The following SGCZ variants were observed in gnomAD, a reference collection of about 807,000 sequenced individuals.
The protein encoded by SGCZ is zeta-sarcoglycan.
A neutral mutation model predicts 41.3 loss-of-function variants in SGCZ; 40 were observed. The observed-to-expected ratio is 0.97, with a 90% confidence interval of 0.75 to 1.26. The LOEUF is 1.26. Among genes scored for constraint, SGCZ ranks in the 50% most tolerant of loss-of-function variants. SGCZ has a pLI of 0.00. For synonymous variants in SGCZ, 206 were observed against 137.5 expected, an observed-to-expected ratio of 1.50 and a Z score of -3.49; for missense variants, 552 against 369.8, an observed-to-expected ratio of 1.49 and a Z score of -4.04.
intron 5 of SGCZ, among the ~76,000 whole-genome samples, chr8:14,148,885 C>A (rs779501842): frequency 6.6e-6 from 1 of 152,056 alleles, no homozygotes; most frequent in Non-Finnish European, 1.5e-5. Flanking sequence ...GTTCAACATG[C>A]ACAAACCAAT....
intron 2 of SGCZ, among the ~76,000 whole-genome samples, chr8:14,485,281 C>T (rs60322664): frequency 0.47 from 71,183 of 151,930 alleles, 17,148 homozygotes; most frequent in East Asian, 0.66. Context: ...CCCCTGCCCC[C>T]GCTGGAATGC....
intron 1 of SGCZ, among the ~76,000 whole-genome samples, chr8:14,950,481 G>A (rs537792063): frequency 6.6e-6 from 1 of 151,778 alleles, no homozygotes; most frequent in Non-Finnish European, 1.5e-5. Flanking sequence ...GTGTCAAGAA[G>A]ACCAAGCACT....
chr8:14,705,167 A>G (rs1809294596), intron 1 of SGCZ, among the ~76,000 whole-genome samples: 1 of 151,938 alleles, frequency 6.6e-6, no homozygotes, highest in Non-Finnish European at 1.5e-5. Context: ...ACCTCATAAC[A>G]AGAACAAAAG....
chr8:14,147,475 C>A (rs1803561772), intron 5 of SGCZ, among the ~76,000 whole-genome samples: 1 of 152,082 alleles, frequency 6.6e-6, no homozygotes, highest in Non-Finnish European at 1.5e-5. Flanking sequence ...CAAAGAAGGT[C>A]ATATATAATG....
intron 1 of SGCZ, among the ~76,000 whole-genome samples, chr8:15,151,761 A>G (rs1257748407): frequency 6.6e-6 from 1 of 152,244 alleles, no homozygotes; most frequent in East Asian, 1.9e-4. Context: ...AGACTTAAGC[A>G]CTGAATAAAT....
intron 3 of SGCZ, among the ~76,000 whole-genome samples, chr8:14,245,694 C>A (rs1799062665): frequency 6.6e-6 from 1 of 152,094 alleles, no homozygotes. Context: ...ACAACCTACT[C>A]ATCTGACAAA....
chr8:14,179,720 A>G (rs1221442145), intron 4 of SGCZ, among the ~76,000 whole-genome samples: 2 of 152,174 alleles, frequency 1.3e-5, no homozygotes, highest in Non-Finnish European at 2.9e-5. Context: ...AAGACATGTA[A>G]CATACTCTAA....
intron 4 of SGCZ, among the ~76,000 whole-genome samples, chr8:14,182,964 C>T (rs989109559): frequency 2.8e-5 from 4 of 142,392 alleles, no homozygotes; most frequent in South Asian, 2.2e-4. Context: ...GAGCCGAGAT[C>T]GTGCCATTGC....
chr8:15,197,217 T>C (rs927702723), intron 1 of SGCZ, among the ~76,000 whole-genome samples: 1 of 152,192 alleles, frequency 6.6e-6, no homozygotes, highest in Non-Finnish European at 1.5e-5. Flanking sequence ...GTCTTTATTT[T>C]ATAACAATGC....
At chr8:14,744,094 CT>C (rs1380366984) in intron 1 of SGCZ, among the ~76,000 whole-genome samples, 1 of 151,198 alleles carries the variant, frequency 6.6e-6, no homozygotes, top group Non-Finnish European at 1.5e-5. Flanking sequence ...GGTTTCGTCT[CT>C]TTTAGGCTTC....
intron 2 of SGCZ, among the ~76,000 whole-genome samples, chr8:14,376,163 T>G (rs1043857229): frequency 6.6e-6 from 1 of 151,918 alleles, no homozygotes; most frequent in African/African-American, 2.4e-5. Flanking sequence ...AATAAAAAAT[T>G]AGCCGGGCAT....
intron 3 of SGCZ, among the ~76,000 whole-genome samples, chr8:14,240,518 C>G (rs1214631455): frequency 6.6e-6 from 1 of 151,498 alleles, no homozygotes; most frequent in African/African-American, 2.4e-5. Context: ...AATTTTATAT[C>G]TAGATTAAAA....
intron 3 of SGCZ, among the ~76,000 whole-genome samples, chr8:14,319,023 A>G (rs919467371): frequency 3.9e-5 from 6 of 151,942 alleles, no homozygotes; most frequent in African/African-American, 1.2e-4. Context: ...AAAACTCTAG[A>G]TGACAGTCAC....
chr8:14,842,002 A>G (rs910894573), intron 1 of SGCZ, among the ~76,000 whole-genome samples: 1 of 152,182 alleles, frequency 6.6e-6, no homozygotes, highest in African/African-American at 2.4e-5. Flanking sequence ...GTATGTGTGG[A>G]CTTCATTTTT....
rs952475357 is a variant in SGCZ at position 14,535,666 on chromosome 8, C to T, written c.234+19066G>A. The stretch of plus-strand genomic sequence containing the variant: ...ATTTACATAAGTCACTTAATTTTTG[C>T]TTTCATTTATAAATATCATCTTATT... On this transcript the variant is annotated intron_variant, in intron 2 of 7. Coordinates refer to ENST00000382080, the MANE Select transcript of SGCZ (RefSeq NM_139167.4). 3.3e-5 allele frequency among the ~76,000 whole-genome samples: 5 copies of T among 151,908 alleles called. 1 individual carries two copies. Among genetic ancestry groups the T allele is most frequent in the Admixed American group, 3.3e-4 (5 of 15,218 alleles).
intron 2 of SGCZ, among the ~76,000 whole-genome samples, chr8:14,457,777 C>G (rs1366168017): frequency 6.6e-6 from 1 of 152,210 alleles, no homozygotes; most frequent in African/African-American, 2.4e-5. Context: ...CCCACGTGAC[C>G]TTACCTATAA....
chr8:15,168,066 C>T (rs983742586), intron 1 of SGCZ, among the ~76,000 whole-genome samples: 1 of 151,972 alleles, frequency 6.6e-6, no homozygotes. Flanking sequence ...CACAAGACAT[C>T]CTTTCCTCTC....
Position 14,160,794 on chromosome 8 carries a change from C to T in SGCZ, c.547+3786G>A, listed in dbSNP as rs576707072. On this transcript the variant is annotated intron_variant, in intron 5 of 7. Coordinates refer to ENST00000382080, the MANE Select transcript of SGCZ (RefSeq NM_139167.4). ...CCTGCTGCTTTGTAGGTAGAGTGAA[C>T]GTAAATATCATGAGCTACGCTAGGT... is the stretch of plus-strand genomic sequence containing the variant. 2.2e-4 allele frequency among the ~76,000 whole-genome samples: 34 copies of T among 152,124 alleles called. No individual in the cohort carries two copies. The South Asian group carries it at 6.0e-3, about 27-fold the overall frequency.
rs149572205 is a variant in SGCZ at position 14,691,356 on chromosome 8, G to T, written c.40-136430C>A. Among the ~76,000 whole-genome samples, 13 of 152,148 alleles carry T rather than the reference G, an allele frequency of 8.5e-5. No individual in the cohort carries two copies. The East Asian group carries it at 2.5e-3, about 29-fold the overall frequency. ...TAAAAATCTCTACAAATGCATTTAG[G>T]TGGCAGAGAATCTACAAACCAAGTC... On this transcript the variant is annotated intron_variant, in intron 1 of 7. Coordinates refer to ENST00000382080, the MANE Select transcript of SGCZ (RefSeq NM_139167.4).
Sources: gnomAD v4.1 joint callset for allele counts (sites outside exome capture counted in the v4.1 genomes callset) on GRCh38, gnomAD v4.1.1 for gene constraint, MANE v1.5 for transcripts, NCBI Gene and HGNC (gene_info 2026-07-23, HGNC 2026-07-21) for gene names.